The following SUMF1 variants were observed in gnomAD, a reference collection of about 807,000 sequenced individuals.
SUMF1 encodes formylglycine-generating enzyme.
SUMF1 carries 48 observed loss-of-function variants against 47.6 expected under a neutral mutation model. That is an observed-to-expected ratio of 1.01 (90% CI 0.80 to 1.28). SUMF1 has a LOEUF of 1.28. SUMF1 is among the 50% of genes most tolerant of loss of function. The pLI, the probability that SUMF1 is intolerant of heterozygous loss-of-function variation, is 0.00. For missense variants in SUMF1, 571 were observed against 485.4 expected, an observed-to-expected ratio of 1.18 and a Z score of -1.66; for synonymous variants, 230 against 192.1, an observed-to-expected ratio of 1.20 and a Z score of -1.63.
chr3:4,141,032 C>T (rs537446922), intron 8 of SUMF1, among the ~76,000 whole-genome samples: 1 of 152,194 alleles, frequency 6.6e-6, no homozygotes, highest in East Asian at 1.9e-4. Context: ...ACTTGTTGAC[C>T]TTTAAAAGAA....
intron 8 of SUMF1, among the ~76,000 whole-genome samples, chr3:4,260,318 C>G (rs1340090178): frequency 6.6e-6 from 1 of 152,098 alleles, no homozygotes; most frequent in African/African-American, 2.4e-5. Flanking sequence ...TAATTGATAC[C>G]AGGCAATAAA....
At chr3:4,065,525 ACT>A (rs1202099539) in intron 9 of SUMF1, among the ~76,000 whole-genome samples, 2 of 152,076 alleles carry the variant, frequency 1.3e-5, no homozygotes, top group African/African-American at 4.8e-5. Flanking sequence ...ATCTACTATA[ACT>A]CTATCTTGCA....
chr3:4,228,070 C>A (rs1391836652), intron 8 of SUMF1, among the ~76,000 whole-genome samples: 1 of 151,838 alleles, frequency 6.6e-6, no homozygotes, highest in African/African-American at 2.4e-5. Flanking sequence ...GAACTAAAAG[C>A]AGAAGGGGTG....
chr3:4,126,456 CT>C (rs1693656516), intron 8 of SUMF1, among the ~76,000 whole-genome samples: 1 of 151,954 alleles, frequency 6.6e-6, no homozygotes, highest in South Asian at 2.1e-4. Context: ...GTCTTTAAAA[CT>C]TTTTTTGCAG....
At chr3:4,369,897 A>G (rs1168126049) in intron 8 of SUMF1, among the ~76,000 whole-genome samples, 1 of 152,216 alleles carries the variant, frequency 6.6e-6, no homozygotes, top group Non-Finnish European at 1.5e-5. Flanking sequence ...ATATCAGGGC[A>G]TGGTTTAATT....
chr3:4,271,015 A>G (rs1269702488), intron 8 of SUMF1, among the ~76,000 whole-genome samples: 1 of 152,208 alleles, frequency 6.6e-6, no homozygotes, highest in African/African-American at 2.4e-5. Context: ...ATGTCTCACA[A>G]ACGTTTGTTA....
At chr3:4,373,017 C>T (rs1032225120) in intron 8 of SUMF1, among the ~76,000 whole-genome samples, 3 of 152,204 alleles carry the variant, frequency 2.0e-5, no homozygotes, top group African/African-American at 7.2e-5. Flanking sequence ...TTCTCCTCTT[C>T]TAAAATGTTA....
At chr3:4,284,725 G>GA (rs537189350) in intron 8 of SUMF1, among the ~76,000 whole-genome samples, 142 of 147,850 alleles carry the variant, frequency 9.6e-4, no homozygotes, top group African/African-American at 1.3e-3. Flanking sequence ...AAAAACTCCT[G>GA]AAAAAAAAAA....
intron 8 of SUMF1, among the ~76,000 whole-genome samples, chr3:4,204,445 G>A (rs897339648): frequency 4.6e-5 from 7 of 152,060 alleles, no homozygotes; most frequent in African/African-American, 1.7e-4. Context: ...ACTATTAAAT[G>A]TCTTGAGGTA....
At chr3:4,466,950 C>G (rs756902868) in intron 1 of SUMF1, 26 bp downstream of exon 1, 3 of 1,603,750 alleles carry the variant, frequency 1.9e-6, no homozygotes, top group Non-Finnish European at 2.5e-6. Flanking sequence ...CAGCCCCCAC[C>G]CGCCTCGGAG....
chr3:4,342,596 G>T (rs1183803692), intron 8 of SUMF1, among the ~76,000 whole-genome samples: 2 of 152,116 alleles, frequency 1.3e-5, no homozygotes, highest in African/African-American at 2.4e-5. Flanking sequence ...TATATGGCTG[G>T]TTTCACATTT....
At chr3:4,153,257 G>A (rs115999816) in intron 8 of SUMF1, among the ~76,000 whole-genome samples, 4,904 of 151,474 alleles carry the variant, frequency 0.032, 470 homozygotes, top group African/African-American at 0.11. Context: ...CTGTTGCCCA[G>A]GCTGGAATGC....
chr3:4,035,303 A>G (rs1186337866), intron 9 of SUMF1, among the ~76,000 whole-genome samples: 1 of 152,148 alleles, frequency 6.6e-6, no homozygotes. Flanking sequence ...GATTCCACCT[A>G]AAAGCTAGAG....
chr3:4,087,407 C>T (rs2125050186), intron 8 of SUMF1, among the ~76,000 whole-genome samples: 1 of 152,210 alleles, frequency 6.6e-6, no homozygotes, highest in East Asian at 1.9e-4. Flanking sequence ...GAGTGTCTGG[C>T]ACTGCACAGG....
At chr3:4,230,342 A>C (rs1270335181) in intron 8 of SUMF1, among the ~76,000 whole-genome samples, 1 of 152,150 alleles carries the variant, frequency 6.6e-6, no homozygotes, top group East Asian at 1.9e-4. Context: ...CACAATCATA[A>C]GTGCCAACAG....
chr3:4,116,723 G>C (rs1246437600), intron 8 of SUMF1, among the ~76,000 whole-genome samples: 1 of 152,004 alleles, frequency 6.6e-6, no homozygotes, highest in African/African-American at 2.4e-5. Context: ...TTCTTATCTG[G>C]TATCTTCAGT....
chr3:4,035,670 G>C (rs1694780265), intron 9 of SUMF1, among the ~76,000 whole-genome samples: 1 of 152,150 alleles, frequency 6.6e-6, no homozygotes, highest in Non-Finnish European at 1.5e-5. Context: ...AGTTTTTGAA[G>C]ACAGACCTAC....
Position 4,073,336 on chromosome 3 carries a change from C to T in SUMF1, c.1015-4591G>A, listed in dbSNP as rs968949207. ...GCCTTACAAGAGCTCCTAAAGGAAG[C>T]GCTAAACATGGAAAGGAATAACTGG... On this transcript the variant is annotated intron_variant and NMD_transcript_variant, in intron 8 of 12. Coordinates refer to the SUMF1 transcript ENST00000448413. Among the ~76,000 whole-genome samples, 6 of 152,180 alleles carry T rather than the reference C, an allele frequency of 3.9e-5. No individual in the cohort carries two copies. In the East Asian group the frequency reaches 5.8e-4, roughly 15 times the overall value.
chr3:4,405,105 A>C (rs1369671654), intron 7 of SUMF1, among the ~76,000 whole-genome samples: 1 of 152,208 alleles, frequency 6.6e-6, no homozygotes, highest in Admixed American at 6.5e-5. Flanking sequence ...GGGAAGGGGA[A>C]CAATCAAGTG....
Sources: gnomAD v4.1 joint callset for allele counts (sites outside exome capture counted in the v4.1 genomes callset) on GRCh38, gnomAD v4.1.1 for gene constraint, MANE v1.5 for transcripts, NCBI Gene and HGNC (gene_info 2026-07-23, HGNC 2026-07-21) for gene names.